Variants in USP36 observed in about 807,000 individuals in gnomAD.
USP36 encodes ubiquitin specific peptidase 36, also known as ubiquitin carboxyl-terminal hydrolase 36.
A neutral mutation model predicts 111.5 loss-of-function variants in USP36; 59 were observed. The observed-to-expected ratio is 0.53, with a 90% confidence interval of 0.43 to 0.66. The LOEUF (loss-of-function observed/expected upper bound fraction) is 0.66. Ranked by LOEUF, USP36 falls within the 30% of genes least tolerant of loss-of-function variation. The pLI, the probability that USP36 is intolerant of heterozygous loss-of-function variation, is 0.00. For synonymous variants in USP36, 628 were observed against 581.0 expected, an observed-to-expected ratio of 1.08 and a Z score of -1.16; for missense variants, 1,488 against 1,468.0, an observed-to-expected ratio of 1.01 and a Z score of -0.22.
intron 6 of USP36, among the ~76,000 whole-genome samples, chr17:78,825,138 A>G (rs974388514): frequency 6.6e-6 from 1 of 152,208 alleles, no homozygotes; most frequent in Non-Finnish European, 1.5e-5. Flanking sequence ...CATCATCAGT[A>G]GACCCATCCA....
At position 78,802,279 on chromosome 17, in the gene USP36, C is replaced by T; in HGVS notation, c.3022+45G>A. The T allele has an allele frequency of 3.3e-6, 5 of 1,524,004 alleles. No individual in the cohort carries two copies. The East Asian group carries it at 7.4e-5, about 23-fold the overall frequency. 94.4% of individuals were successfully genotyped at this position (1,524,004 alleles called of 1,614,324 possible). A position where few individuals can be genotyped will look rare whatever the true frequency, so the allele number is the denominator to read the frequency against. ...CCCATGCGGTCCCCCAACCCCTCGC[C>T]CGGTGCACACCCATGCGGTTCCCAC... is the stretch of plus-strand genomic sequence containing the variant. On this transcript the variant is annotated intron_variant, in intron 17 of 20. Transcript: ENST00000449938.
In USP36 at chr17:78,807,574, G is replaced by A. The variant is rs1182543190; in HGVS notation, c.1470C>T (p.Ser490=). 2 of 1,602,364 alleles carry A rather than the reference G, an allele frequency of 1.2e-6. No individual in the cohort carries two copies. The highest frequency in any genetic ancestry group is 1.7e-6 in the Non-Finnish European group (2 of 1,174,242). The stretch of plus-strand genomic sequence containing the variant: ...TCAGGCCCAGGGTGGAGCCATTCCT[G>A]GATATGGGCACACCAATCTCTTCAG... ...HTTEEIGVPI[S]RNGSTLGLKS... The change falls in exon 14 of 21, where the codon TCC becomes TCT. Residue 490 remains serine, a synonymous_variant. Transcript: ENST00000449938.
In USP36 at chr17:78,788,008, T is replaced by G. The variant is rs74001239; in HGVS notation, c.*21-350A>C. On this transcript the variant is annotated intron_variant, in intron 3 of 3. Transcript: ENST00000588130. ...TCTCCCCCACAGCCCTGAGGACACC[T>G]TGATTCCAGACTCTGGTCTCTCTCT... Among the ~76,000 whole-genome samples the G allele has an allele frequency of 9.3e-3, 1,413 of 152,274 alleles. 17 individuals are homozygous for G. The highest frequency in any genetic ancestry group is 0.033 in the African/African-American group (1,355 of 41,542).
At chr17:78,790,521 G>C (rs1483018331) in intron 3 of USP36, among the ~76,000 whole-genome samples, 2 of 151,978 alleles carry the variant, frequency 1.3e-5, no homozygotes, top group Non-Finnish European at 2.9e-5. Context: ...TTGAACTCCT[G>C]ACCTTGTGAT....
At chr17:78,805,925 A>G (rs542352807) in intron 15 of USP36, among the ~76,000 whole-genome samples, 36 of 152,334 alleles carry the variant, frequency 2.4e-4, no homozygotes, top group African/African-American at 8.7e-4. Context: ...GACAGAACTA[A>G]GACATCAGGA....
chr17:78,820,101 G>A (rs377116586), intron 8 of USP36, 89 bp from the exon 9 acceptor site: 11 of 1,388,342 alleles, frequency 7.9e-6, no homozygotes, highest in African/African-American at 5.7e-5. Context: ...TTTTTAGGCT[G>A]AGGCAGCAAA....
At position 78,803,485 on chromosome 17, in the gene USP36, C is replaced by A. The variant is rs2093808369; in HGVS notation, c.2710G>T (p.Val904Phe). The A allele has an allele frequency of 1.9e-6, 3 of 1,613,962 alleles. No homozygotes were observed. Among genetic ancestry groups the A allele is most frequent in the South Asian group, 1.1e-5 (1 of 91,084 alleles). Residue 904 changes from valine to phenylalanine, a missense_variant, in exon 16 of 21, where the codon GTT becomes TTT. Transcript: ENST00000449938. The surrounding 1 kb of genome is among the most constrained non-coding windows in gnomAD (Gnocchi z 4.6). ...PQVNGQQVGC[V>F]TDGHHASSRK... ...CTGCTCGCGTGGTGGCCGTCCGTAA[C>A]ACATCCCACCTGCTGGCCATTCACC... is the stretch of plus-strand genomic sequence containing the variant.
chr17:78,790,318 TCTCA>T (rs2093572827), intron 3 of USP36, among the ~76,000 whole-genome samples: 1 of 151,808 alleles, frequency 6.6e-6, no homozygotes, highest in African/African-American at 2.4e-5. Flanking sequence ...AAAGACAGAG[TCTCA>T]CTCTGTCACC....
In USP36 at chr17:78,803,546, G is replaced by A. The variant is rs140332801; in HGVS notation, c.2649C>T (p.Pro883=). 5.5e-5 allele frequency: 89 copies of A among 1,613,596 alleles called. No homozygotes were observed. Among genetic ancestry groups the A allele is most frequent in the African/African-American group, 3.2e-4 (24 of 75,038 alleles). Residue 883 remains proline (P), a synonymous_variant, in exon 16 of 21, where the codon CCC becomes CCT. Coordinates refer to ENST00000449938, the MANE Select transcript of USP36 (RefSeq NM_001385174.1). This position sits in a 1 kb window ranked among gnomAD's most constrained non-coding sequence, Gnocchi z 4.6. Reference sequence around the variant, plus strand: ...TGCCATCTTCCTGCCGTCTGACAGCGGGCAGCTGTGCCTGGCCCTCCCTCC... The same window carrying A: ...TGCCATCTTCCTGCCGTCTGACAGCAGGCAGCTGTGCCTGGCCCTCCCTCC... ...MYRREGQAQL[P]AVRRQEDGTQ...
At chr17:78,820,949 C>T (rs1404115781) in intron 8 of USP36, 42 bp downstream of exon 8, 2 of 1,579,904 alleles carry the variant, frequency 1.3e-6, no homozygotes, top group South Asian at 1.1e-5. Context: ...CCTCTGGCCT[C>T]GCTCTCCTAC....
At chr17:78,806,884 T>C in intron 14 of USP36, 75 bp downstream of exon 14, 1 of 1,551,486 alleles carries the variant, frequency 6.4e-7, no homozygotes. Flanking sequence ...ATGTTCTCAC[T>C]CCCTTCAAAC....
chr17:78,828,485 C>T (rs2067781615), intron 5 of USP36, among the ~76,000 whole-genome samples: 1 of 152,204 alleles, frequency 6.6e-6, no homozygotes, highest in Admixed American at 6.5e-5. Flanking sequence ...AATAACTCCT[C>T]CACCTGCCCA....
intron 6 of USP36, 87 bp from the exon 7 acceptor site, chr17:78,822,091 G>GCC: frequency 1.3e-6 from 2 of 1,484,362 alleles, no homozygotes. Context: ...ATGCCCACCA[G>GCC]TCACAAGCTC....
intron 3 of USP36, among the ~76,000 whole-genome samples, chr17:78,790,504 G>A (rs2093574713): frequency 6.6e-6 from 1 of 152,142 alleles, no homozygotes; most frequent in African/African-American, 2.4e-5. Context: ...TGTTAGCCAG[G>A]CTGGTTTTGA....
Position 78,803,713 on chromosome 17 carries a change from G to A in USP36, c.2482C>T (p.Arg828Cys), listed in dbSNP as rs1057040. ...GEPQRLGSETRLPQHIREATA... is the reference protein window; with the variant it reads ...GEPQRLGSETCLPQHIREATA... ...GCCTCCCTGATGTGCTGTGGGAGGC[G>A]CGTCTCTGAGCCCAGCCTCTGCGGC... The change falls in exon 16 of 21, where the codon CGC becomes TGC. Residue 828 changes from arginine to cysteine, a missense_variant. By Grantham distance (180) the Arg-to-Cys change is radical. Coordinates refer to ENST00000449938, the MANE Select transcript of USP36 (RefSeq NM_001385174.1). The surrounding 1 kb of genome is among the most constrained non-coding windows in gnomAD (Gnocchi z 4.6). The A allele has an allele frequency of 0.5, 812,404 of 1,611,164 alleles. 208,804 individuals are homozygous for A. Among genetic ancestry groups the A allele is most frequent in the Non-Finnish European group, 0.53 (623,510 of 1,179,686 alleles).
At position 78,802,417 on chromosome 17, in the gene USP36, A is replaced by T. The variant is rs2093776225; in HGVS notation, c.2929T>A (p.Cys977Ser). 1 of 1,612,520 alleles carries T rather than the reference A, an allele frequency of 6.2e-7. No individual in the cohort carries two copies. The highest frequency in any genetic ancestry group is 1.7e-5 in the Admixed American group (1 of 59,910). The change falls in exon 17 of 21, where the codon TGC becomes AGC. Residue 977 changes from cysteine to serine, a missense_variant. Cys to Ser is a moderately radical substitution (Grantham distance 112). Around this residue, in one of 3 missense-constraint regions of USP36, gnomAD observed 1,073 missense variants for 994.1 expected, o/e 1.08. Transcript: ENST00000449938. ...TCTTGGGGCTTGGCACTCCTTGGGCATTTGAGATGCCCATCCTCTTCTACT... is the reference window on the plus strand; with the variant it reads ...TCTTGGGGCTTGGCACTCCTTGGGCTTTTGAGATGCCCATCCTCTTCTACT... The part of the protein sequence containing the change: ...RAVEEDGHLK[C>S]PRSAKPQDAV...
At chr17:78,830,760 T>C (rs1389734500) in intron 4 of USP36, among the ~76,000 whole-genome samples, 1 of 152,152 alleles carries the variant, frequency 6.6e-6, no homozygotes, top group African/African-American at 2.4e-5. Context: ...CACAAAATTC[T>C]TCTTGAAGAG....
At chr17:78,793,124 C>T (rs1300556314), downstream of USP36, among the ~76,000 whole-genome samples, 1 of 151,904 alleles carries the variant, frequency 6.6e-6, no homozygotes, top group Non-Finnish European at 1.5e-5. Flanking sequence ...CTCCTGCTGC[C>T]CTATGAGCAT....
intron 3 of USP36, among the ~76,000 whole-genome samples, chr17:78,789,842 G>A (rs918308440): frequency 6.6e-6 from 1 of 152,206 alleles, no homozygotes; most frequent in African/African-American, 2.4e-5. Flanking sequence ...AAACAAAGGG[G>A]GTGCGGGTAG....
Sources: gnomAD v4.1 joint callset for allele counts (sites outside exome capture counted in the v4.1 genomes callset) on GRCh38, gnomAD v4.1.1 for gene constraint, gnomAD v4.1.1 regional missense constraint, Gnocchi (gnomAD v3.1) non-coding constraint, MANE v1.5 for transcripts, NCBI Gene and HGNC (gene_info 2026-07-23, HGNC 2026-07-21) for gene names.